The following GNB4 variants were observed in gnomAD, a reference collection of about 807,000 sequenced individuals.
GNB4 encodes G protein subunit beta 4.
A neutral mutation model predicts 45.2 loss-of-function variants in GNB4; 28 were observed. That is an observed-to-expected ratio of 0.62 (90% confidence interval 0.46 to 0.85). The LOEUF is 0.85. GNB4 is among the 40% of genes least tolerant of loss of function. The pLI, the probability that GNB4 is intolerant of heterozygous loss-of-function variation, is 0.00. For missense variants in GNB4, 321 were observed against 425.4 expected (o/e 0.75, Z 2.16); for synonymous variants, 132 against 143.7 (o/e 0.92, Z 0.58).
chr3:179,430,337 A>C (rs1426867476), intron 1 of GNB4, among the ~76,000 whole-genome samples: 2 of 151,512 alleles, frequency 1.3e-5, no homozygotes, highest in Admixed American at 1.3e-4. Context: ...GATCCCCCCC[A>C]CCTGAGCTTT....
chr3:179,437,498 T>C (rs1340809975), intron 1 of GNB4, among the ~76,000 whole-genome samples: 2 of 151,782 alleles, frequency 1.3e-5, no homozygotes, highest in African/African-American at 2.4e-5. Context: ...ATGGGAGGCG[T>C]AGGTTGCAGT....
chr3:179,422,475 GCAAAA>G, intron 2 of GNB4, among the ~76,000 whole-genome samples: 1 of 136,700 alleles, frequency 7.3e-6, no homozygotes. Context: ...AAAAAAAAAA[GCAAAA>G]CAAAACAAAA....
intron 8 of GNB4, among the ~76,000 whole-genome samples, chr3:179,411,434 T>A (rs1714648021): frequency 6.6e-6 from 1 of 151,086 alleles, no homozygotes; most frequent in African/African-American, 2.4e-5. Flanking sequence ...TATATTTACT[T>A]ATATTTGTAA....
At position 179,401,166 on chromosome 3, in the gene GNB4, T is replaced by C; in HGVS notation, c.*47A>G. On this transcript the variant is annotated 3_prime_UTR_variant, in exon 10 of 10. Coordinates refer to ENST00000232564, the MANE Select transcript of GNB4 (RefSeq NM_021629.4). Reference sequence around the variant, plus strand: ...TTTTTCACAGCTATAGGCTGTAGCATTGATTTCTCCAGATATATCAATGGA... The same window carrying C: ...TTTTTCACAGCTATAGGCTGTAGCACTGATTTCTCCAGATATATCAATGGA... 1.5e-6 allele frequency: 2 copies of C among 1,358,632 alleles called. No homozygotes were observed. Among genetic ancestry groups the C allele is most frequent in the Non-Finnish European group, 2.1e-6 (2 of 960,810 alleles). 84.2% of individuals were successfully genotyped at this position (1,358,632 alleles called of 1,614,324 possible). A position where few individuals can be genotyped will look rare whatever the true frequency, so the allele number is the denominator to read the frequency against.
chr3:179,403,303 GAAAA>G (rs144857646), intron 9 of GNB4, among the ~76,000 whole-genome samples: 1 of 140,254 alleles, frequency 7.1e-6, no homozygotes, highest in African/African-American at 2.6e-5. Context: ...CAAAAATGAA[GAAAA>G]AAAAAACTTG....
At chr3:179,470,124 T>C in the GNB4 span, among the ~76,000 whole-genome samples, 1 of 152,238 alleles carries the variant, frequency 6.6e-6, no homozygotes, top group Non-Finnish European at 1.5e-5. Flanking sequence ...GTACATGCAA[T>C]ATACAATATT....
In GNB4 at chr3:179,401,329, A is replaced by G. The variant is rs749107679; in HGVS notation, c.917-10T>C. On this transcript the variant is annotated splice_polypyrimidine_tract_variant and intron_variant, in intron 9 of 9. Coordinates refer to ENST00000232564, the MANE Select transcript of GNB4 (RefSeq NM_021629.4). ...TGACCAGCAAGGACACCTGAAAAAA[A>G]AATTCAGTAAAAAATTGGCAATTGT... 6.3e-7 allele frequency: 1 copy of G among 1,599,158 alleles called. No homozygotes were observed. The highest frequency in any genetic ancestry group is 1.3e-5 in the African/African-American group (1 of 74,486).
At chr3:179,480,064 G>A in the GNB4 span, among the ~76,000 whole-genome samples, 21 of 152,170 alleles carry the variant, frequency 1.4e-4, no homozygotes, top group African/African-American at 4.8e-4. Flanking sequence ...GTTACTGCAG[G>A]AGTGGCTTTG....
intron 1 of GNB4, among the ~76,000 whole-genome samples, chr3:179,428,653 TTTAAAA>T (rs1374196419): frequency 2.6e-5 from 4 of 152,170 alleles, no homozygotes; most frequent in Non-Finnish European, 5.9e-5. Context: ...CTCGGGACTT[TTTAAAA>T]ATTTGCAGTT....
chr3:179,467,427 G>C, the GNB4 span, among the ~76,000 whole-genome samples: 4 of 152,294 alleles, frequency 2.6e-5, no homozygotes, highest in East Asian at 3.9e-4. Context: ...AGGGAGTTCT[G>C]AGATTAAATG....
chr3:179,490,941 C>T, the GNB4 span, among the ~76,000 whole-genome samples: 2 of 152,164 alleles, frequency 1.3e-5, no homozygotes, highest in East Asian at 3.8e-4. Context: ...TCAAAATGTC[C>T]AGGCACAACC....
the GNB4 span, among the ~76,000 whole-genome samples, chr3:179,493,780 G>A: frequency 6.6e-6 from 1 of 152,152 alleles, no homozygotes; most frequent in South Asian, 2.1e-4. Context: ...ATGAGGCAGA[G>A]GTGTAGGGAA....
chr3:179,456,381 A>G (rs982579499), upstream of GNB4, among the ~76,000 whole-genome samples: 3 of 152,178 alleles, frequency 2.0e-5, no homozygotes, highest in African/African-American at 7.2e-5. Context: ...AATCTGCCAC[A>G]AGCACATTTG....
upstream of GNB4, chr3:179,451,616 A>G (rs1715880574): frequency 6.6e-6 from 1 of 151,064 alleles, no homozygotes; most frequent in South Asian, 2.1e-4. Context: ...GAGCGCGCGC[A>G]GCCCGGGCGG....
At position 179,420,468 on chromosome 3, in the gene GNB4, A is replaced by T. The variant is rs374211124; in HGVS notation, c.96+421T>A. 6.3e-3 allele frequency among the ~76,000 whole-genome samples: 294 copies of T among 46,800 alleles called. 1 individual carries two copies. Among genetic ancestry groups the T allele is most frequent in the Middle Eastern group, 0.04 (4 of 100 alleles). The allele number at this position is 46,800 out of a possible 152,430, so 30.7% of individuals were successfully genotyped here. ...AAAATATATATACATATATATATAT[A>T]TATTTTTTTTTGAGACGGCGTCTCA... On this transcript the variant is annotated intron_variant, in intron 3 of 9. Transcript: ENST00000232564.
chr3:179,456,951 C>T, the GNB4 span, among the ~76,000 whole-genome samples: 1 of 152,112 alleles, frequency 6.6e-6, no homozygotes, highest in South Asian at 2.1e-4. Context: ...CTGATGGAAA[C>T]GATTGCTTTG....
the GNB4 span, among the ~76,000 whole-genome samples, chr3:179,468,262 G>C: frequency 4.4e-4 from 67 of 151,596 alleles, no homozygotes; most frequent in African/African-American, 1.6e-3. Context: ...TTGGGAGGCT[G>C]AGGTGGGTGG....
the GNB4 span, among the ~76,000 whole-genome samples, chr3:179,519,845 A>G: frequency 6.6e-6 from 1 of 152,150 alleles, no homozygotes; most frequent in African/African-American, 2.4e-5. Context: ...CTCAATGCCA[A>G]TATCCCATCC....
chr3:179,494,848 C>A, the GNB4 span, among the ~76,000 whole-genome samples: 2 of 131,260 alleles, frequency 1.5e-5, no homozygotes, highest in Admixed American at 1.8e-4. Flanking sequence ...GCGGAGCTTG[C>A]AGTGAGCCGA....
Sources: allele counts gnomAD v4.1 joint callset (sites outside exome capture counted in the v4.1 genomes callset), GRCh38; gene constraint gnomAD v4.1.1; transcripts MANE v1.5; gene names NCBI Gene and HGNC (gene_info 2026-07-23, HGNC 2026-07-21).